ARHGEF3: variants seen among roughly 807,000 people sequenced by gnomAD.
The protein encoded by ARHGEF3 is Rho guanine nucleotide exchange factor 3.
In ARHGEF3, 28 loss-of-function variants were observed where a neutral mutation model predicts 63.2. The ratio of observed to expected loss-of-function variants is 0.44; its 90% CI spans 0.33 to 0.61. ARHGEF3 has a LOEUF of 0.61. ARHGEF3 is among the 20% of genes least tolerant of loss of function. The pLI is 0.03. For missense variants in ARHGEF3, 533 were observed against 659.3 expected (o/e 0.81, Z 2.10); for synonymous variants, 266 against 254.2 (o/e 1.05, Z -0.44).
chr3:56,744,397 CT>C (rs34368516), intron 7 of ARHGEF3, among the ~76,000 whole-genome samples: 62,631 of 124,232 alleles, frequency 0.5, 14,688 homozygotes, highest in East Asian at 0.78. Flanking sequence ...CTCAATAAAC[CT>C]TTTTTTTTTT....
At chr3:56,983,797 G>A (rs576200705) in intron 2 of ARHGEF3, among the ~76,000 whole-genome samples, 5 of 152,230 alleles carry the variant, frequency 3.3e-5, no homozygotes, top group Admixed American at 1.3e-4. Flanking sequence ...TTAGCCAGGC[G>A]TGGTGGTGCA....
At chr3:56,935,750 A>G (rs897455096) in intron 3 of ARHGEF3, among the ~76,000 whole-genome samples, 1 of 152,190 alleles carries the variant, frequency 6.6e-6, no homozygotes, top group Admixed American at 6.5e-5. Context: ...GCGCCACCTT[A>G]AGAGCTGTAA....
intron 1 of ARHGEF3, among the ~76,000 whole-genome samples, chr3:56,788,317 G>A (rs1435521266): frequency 2.6e-5 from 4 of 152,094 alleles, no homozygotes; most frequent in African/African-American, 4.8e-5. Context: ...CCCCCTCCTC[G>A]TGGTTGACAG....
intron 4 of ARHGEF3, among the ~76,000 whole-genome samples, chr3:56,847,989 A>G (rs2039545727): frequency 6.6e-6 from 1 of 152,156 alleles, no homozygotes; most frequent in Admixed American, 6.5e-5. Context: ...TGCCTTTGAG[A>G]AGCCAACACA....
intron 2 of ARHGEF3, among the ~76,000 whole-genome samples, chr3:56,771,040 G>C (rs920506229): frequency 4.0e-5 from 6 of 151,642 alleles, no homozygotes; most frequent in African/African-American, 9.7e-5. Context: ...TTGAACCCGA[G>C]AGGTGGAGGT....
chr3:56,791,679 A>G (rs2037083102), intron 1 of ARHGEF3, among the ~76,000 whole-genome samples: 1 of 152,116 alleles, frequency 6.6e-6, no homozygotes, highest in Non-Finnish European at 1.5e-5. Flanking sequence ...TTAAGCCAAC[A>G]TTGTGGCACG....
rs773854515 is a variant in ARHGEF3, at chr3:56,801,908, A to C, written c.-110T>G. On this transcript the variant is annotated 5_prime_UTR_variant, in exon 1 of 10. Transcript: ENST00000296315. ...CACGATGCCGGGCGGCGGCGGCGAC[A>C]CGGAGACCGACAGCCGGCTTCTAGC... 1.3e-6 allele frequency: 2 copies of C among 1,508,842 alleles called. No homozygotes were observed. The highest frequency in any genetic ancestry group is 1.8e-6 in the Non-Finnish European group (2 of 1,124,158). The allele number at this position is 1,508,842 out of a possible 1,614,324, so 93.5% of individuals were successfully genotyped here. A position where few individuals can be genotyped will look rare whatever the true frequency, so the allele number is the denominator to read the frequency against.
At chr3:56,794,476 G>A (rs1452238082) in intron 1 of ARHGEF3, among the ~76,000 whole-genome samples, 26 of 120,528 alleles carry the variant, frequency 2.2e-4, no homozygotes, top group African/African-American at 4.2e-4. Context: ...CAATAAGAGC[G>A]AGACTCTATC....
intron 1 of ARHGEF3, among the ~76,000 whole-genome samples, chr3:57,045,190 C>T (rs1028094677): frequency 1.3e-5 from 2 of 152,178 alleles, no homozygotes; most frequent in African/African-American, 4.8e-5. Context: ...TCGCTTGAAC[C>T]TAGGAGACGG....
chr3:57,017,032 T>A (rs12486308), intron 2 of ARHGEF3, among the ~76,000 whole-genome samples: 14,432 of 103,982 alleles, frequency 0.14, 985 homozygotes, highest in Non-Finnish European at 0.2. Flanking sequence ...TCTCTCTCTC[T>A]CACACACACA....
chr3:56,897,966 G>A (rs2041365022), intron 3 of ARHGEF3, among the ~76,000 whole-genome samples: 1 of 151,276 alleles, frequency 6.6e-6, no homozygotes, highest in Non-Finnish European at 1.5e-5. Context: ...CTGAAGCCTT[G>A]ACCTCTGGGT....
At chr3:56,876,122 G>A (rs888656784) in intron 4 of ARHGEF3, among the ~76,000 whole-genome samples, 1 of 152,178 alleles carries the variant, frequency 6.6e-6, no homozygotes, top group Admixed American at 6.5e-5. Context: ...CAGAGGCCCA[G>A]GGACAAGATG....
intron 4 of ARHGEF3, among the ~76,000 whole-genome samples, chr3:56,810,017 C>T (rs574529758): frequency 2.2e-3 from 342 of 152,214 alleles, no homozygotes; most frequent in Non-Finnish European, 3.8e-3. Flanking sequence ...CGTCAGCCAC[C>T]GTGCCTGGCC....
intron 2 of ARHGEF3, among the ~76,000 whole-genome samples, chr3:56,964,091 C>T (rs1040198808): frequency 2.0e-5 from 3 of 152,280 alleles, no homozygotes; most frequent in African/African-American, 7.2e-5. Flanking sequence ...GTGGCTCACG[C>T]CTGTAATCCC....
chr3:56,906,579 T>C (rs2041690225), intron 3 of ARHGEF3, among the ~76,000 whole-genome samples: 1 of 152,234 alleles, frequency 6.6e-6, no homozygotes, highest in Non-Finnish European at 1.5e-5. Flanking sequence ...TTCACGCCTA[T>C]AATCCTAGCA....
intron 2 of ARHGEF3, among the ~76,000 whole-genome samples, chr3:57,030,679 C>T (rs77414962): frequency 0.022 from 3,406 of 152,306 alleles, 76 homozygotes; most frequent in Non-Finnish European, 0.032. Context: ...AATTCTGCTT[C>T]TGTTGCCACA....
rs746240966 is a variant in ARHGEF3 at position 57,059,429 on chromosome 3, T to G, written c.-28+19797A>C. 3.7e-4 allele frequency among the ~76,000 whole-genome samples: 55 copies of G among 148,500 alleles called. 1 individual carries two copies. Among genetic ancestry groups the G allele is most frequent in the Non-Finnish European group, 7.2e-4 (49 of 67,644 alleles). On this transcript the variant is annotated intron_variant, in intron 1 of 12. Transcript: ENST00000338458. ...TTTTTAAAAGTTTATGAATTTGTAT[T>G]GGGCCACATGTTAGACAAGCTTGGC...
intron 2 of ARHGEF3, among the ~76,000 whole-genome samples, chr3:56,771,038 G>C (rs577632729): frequency 6.6e-6 from 1 of 151,568 alleles, no homozygotes; most frequent in South Asian, 2.1e-4. Flanking sequence ...GCTTGAACCC[G>C]AGAGGTGGAG....
At chr3:57,002,479 T>TTATATATATATATATA (rs1159985048) in intron 2 of ARHGEF3, among the ~76,000 whole-genome samples, 4 of 39,464 alleles carry the variant, frequency 1.0e-4, no homozygotes, top group Non-Finnish European at 1.2e-4. Flanking sequence ...TATATATATG[T>TTATATATATATATATA]TATATATATA....
Sources: allele counts gnomAD v4.1 joint callset (sites outside exome capture counted in the v4.1 genomes callset), GRCh38; gene constraint gnomAD v4.1.1; transcripts MANE v1.5; gene names NCBI Gene and HGNC (gene_info 2026-07-23, HGNC 2026-07-21).